FZD3: variants seen among roughly 807,000 people sequenced by gnomAD.
FZD3 encodes the protein frizzled-3.
A neutral mutation model predicts 60.7 loss-of-function variants in FZD3; 30 were observed. That is an observed-to-expected ratio of 0.49 (90% CI 0.37 to 0.67). FZD3 has a LOEUF of 0.67. Among genes scored for constraint, FZD3 ranks in the 30% least tolerant of loss-of-function variants. FZD3 has a pLI of 0.00. For synonymous variants in FZD3, 246 were observed against 275.2 expected, an observed-to-expected ratio of 0.89 and a Z score of 1.05; for missense variants, 605 against 838.7, an observed-to-expected ratio of 0.72 and a Z score of 3.44.
intron 3 of FZD3, among the ~76,000 whole-genome samples, chr8:28,519,447 G>GA (rs1340782282): frequency 6.6e-6 from 1 of 151,966 alleles, no homozygotes; most frequent in Non-Finnish European, 1.5e-5. Context: ...TTTAAAATTT[G>GA]AAAAAGGCAT....
rs202185186 is a variant in FZD3, at chr8:28,528,164, G to A, written c.1404G>A (p.Gln468=). The part of the protein sequence containing the change: ...CREYHIPCPY[Q]VTQMSRPDLI... ...AATATCACATTCCATGTCCATATCA[G>A]GTAAGGGAAACCTTGTTACAAATTT... The change falls in exon 5 of 8, where the codon CAG becomes CAA. Residue 468 remains glutamine (Q), a splice_region_variant and synonymous_variant. Coordinates refer to ENST00000240093, the MANE Select transcript of FZD3 (RefSeq NM_017412.4). 6.3e-7 allele frequency: 1 copy of A among 1,596,890 alleles called. No individual in the cohort carries two copies. The highest frequency in any genetic ancestry group is 8.5e-7 in the Non-Finnish European group (1 of 1,171,834).
intron 4 of FZD3, among the ~76,000 whole-genome samples, chr8:28,521,895 T>C (rs942570204): frequency 6.6e-6 from 1 of 152,186 alleles, no homozygotes; most frequent in Non-Finnish European, 1.5e-5. Flanking sequence ...CTCCTTCATA[T>C]TTAAAAATAA....
chr8:28,519,652 C>T (rs1357428694), intron 3 of FZD3, among the ~76,000 whole-genome samples: 1 of 150,988 alleles, frequency 6.6e-6, no homozygotes, highest in East Asian at 1.9e-4. Flanking sequence ...ATTGTTTGAG[C>T]CTAGGAGGCA....
chr8:28,550,946 A>G (rs1248503717), intron 5 of FZD3, among the ~76,000 whole-genome samples: 2 of 152,080 alleles, frequency 1.3e-5, no homozygotes, highest in African/African-American at 2.4e-5. Context: ...TTTTCCTTCT[A>G]TGGCATCTTA....
chr8:28,562,117 A>G (rs1175326370), intron 7 of FZD3, among the ~76,000 whole-genome samples: 2 of 152,182 alleles, frequency 1.3e-5, no homozygotes, highest in Non-Finnish European at 2.9e-5. Context: ...TTTAGCCAGA[A>G]TATAGGTTAC....
At position 28,551,759 on chromosome 8, in the gene FZD3, G is replaced by A. The variant is rs1395250285; in HGVS notation, c.1553+8G>A. ...TGGTCGTAGGAAAAAAGAGTAAGTT[G>A]AAATAAATGATCACAGTGTTCACAA... On this transcript the variant is annotated splice_region_variant and intron_variant, in intron 6 of 7. Transcript: ENST00000240093. The A allele has an allele frequency of 6.3e-7, 1 of 1,595,766 alleles. No homozygotes were observed. The highest frequency in any genetic ancestry group is 1.4e-5 in the African/African-American group (1 of 73,638).
intron 3 of FZD3, 102 bp downstream of exon 3, chr8:28,503,304 A>G (rs1276976633): frequency 1.2e-5 from 7 of 602,072 alleles, no homozygotes; most frequent in South Asian, 2.7e-5. Flanking sequence ...GGAAAATAAT[A>G]TGCTATTTTA....
rs540817009 is a variant in FZD3, at chr8:28,550,727, G to A, written c.1405-876G>A. On this transcript the variant is annotated intron_variant, in intron 5 of 7. Transcript: ENST00000240093. ...GGCTGGTCTTGAACCCCTGACCTCA[G>A]ATGATCTGCCTGCCTCGGCTTCCCA... 1.2e-3 allele frequency among the ~76,000 whole-genome samples: 179 copies of A among 151,986 alleles called. 4 individuals are homozygous for A. In the South Asian group the frequency reaches 0.012, roughly 10 times the overall value.
intron 7 of FZD3, among the ~76,000 whole-genome samples, chr8:28,557,531 G>A (rs1164351190): frequency 6.6e-6 from 1 of 151,918 alleles, no homozygotes; most frequent in African/African-American, 2.4e-5. Flanking sequence ...ACCTTCTGTT[G>A]TTCAGCTACC....
intron 5 of FZD3, among the ~76,000 whole-genome samples, chr8:28,532,548 C>G (rs1018611068): frequency 7.3e-5 from 11 of 151,662 alleles, no homozygotes; most frequent in African/African-American, 2.7e-4. Flanking sequence ...TGCCTCATCC[C>G]CCCAAGTAGG....
intron 3 of FZD3, among the ~76,000 whole-genome samples, chr8:28,514,377 A>G (rs895326037): frequency 1.6e-4 from 25 of 152,212 alleles, no homozygotes; most frequent in African/African-American, 5.5e-4. Context: ...ATTTGTTTTT[A>G]TGTAACAGCT....
At chr8:28,542,091 CTTTT>C (rs61301257) in intron 5 of FZD3, among the ~76,000 whole-genome samples, 3 of 133,564 alleles carry the variant, frequency 2.2e-5, no homozygotes, top group African/African-American at 5.5e-5. Flanking sequence ...GAATGAAATC[CTTTT>C]TTTTTTTTTT....
chr8:28,523,976 C>G (rs2130362618), intron 4 of FZD3, among the ~76,000 whole-genome samples: 1 of 152,240 alleles, frequency 6.6e-6, no homozygotes, highest in South Asian at 2.1e-4. Context: ...CATCCTCTCT[C>G]TCCCTTTTGC....
chr8:28,561,241 G>T (rs1805607390), intron 7 of FZD3, among the ~76,000 whole-genome samples: 1 of 152,006 alleles, frequency 6.6e-6, no homozygotes. Flanking sequence ...ATTTTTAGTA[G>T]AGACAGGGTT....
intron 3 of FZD3, among the ~76,000 whole-genome samples, chr8:28,518,511 G>T (rs1434138097): frequency 6.6e-6 from 1 of 152,146 alleles, no homozygotes; most frequent in Non-Finnish European, 1.5e-5. Context: ...CTGTGCAGAG[G>T]TTGAACAGTA....
intron 1 of FZD3, among the ~76,000 whole-genome samples, chr8:28,498,155 A>G (rs764817422): frequency 5.3e-5 from 8 of 152,174 alleles, no homozygotes; most frequent in Non-Finnish European, 1.0e-4. Flanking sequence ...GTATTGCTCT[A>G]TGGAGAAGTG....
At chr8:28,496,141 T>C (rs1307168067) in intron 1 of FZD3, among the ~76,000 whole-genome samples, 2 of 152,212 alleles carry the variant, frequency 1.3e-5, no homozygotes, top group Non-Finnish European at 2.9e-5. Flanking sequence ...GGGAATTTAA[T>C]AGCAAAGTGC....
intron 5 of FZD3, 90 bp from the exon 6 acceptor site, chr8:28,551,513 T>C: frequency 9.9e-7 from 1 of 1,011,514 alleles, no homozygotes; most frequent in South Asian, 1.5e-5. Context: ...CAAAACTCTG[T>C]CTCAAAAGAA....
chr8:28,544,455 G>T (rs568147020), intron 5 of FZD3, among the ~76,000 whole-genome samples: 2 of 152,118 alleles, frequency 1.3e-5, no homozygotes, highest in African/African-American at 4.8e-5. Context: ...ACTATATACT[G>T]TAGATATTAA....
Sources: gnomAD v4.1 joint callset for allele counts (sites outside exome capture counted in the v4.1 genomes callset) on GRCh38, gnomAD v4.1.1 for gene constraint, MANE v1.5 for transcripts, NCBI Gene and HGNC (gene_info 2026-07-23, HGNC 2026-07-21) for gene names.